Variants in HDAC10 observed in about 807,000 individuals in gnomAD.
HDAC10 encodes polyamine deacetylase HDAC10.
HDAC10 carries 90 observed loss-of-function variants against 82.3 expected under a neutral mutation model. That is an observed-to-expected ratio of 1.09 (90% confidence interval 0.92 to 1.30). HDAC10 has a LOEUF of 1.30. HDAC10 is among the 50% of genes most tolerant of loss of function. HDAC10 has a pLI of 0.00. For missense variants in HDAC10, 934 were observed against 876.3 expected (o/e 1.07, Z -0.83); for synonymous variants, 456 against 391.7 (o/e 1.16, Z -1.94).
chr22:50,246,677 A>G lies in HDAC10; in HGVS notation c.1571+2T>C. The G allele has an allele frequency of 6.2e-7, 1 of 1,611,206 alleles. No individual in the cohort carries two copies. ...GACATATGCAAGACCTGAGAGTCCT[A>G]CCCGTCATGGGCGAGGTCTGGAGGC... On this transcript the variant is annotated splice_donor_variant, in intron 16 of 19. Transcript: ENST00000216271. LOFTEE classifies it high-confidence loss of function.
At position 50,245,976 on chromosome 22, in the gene HDAC10, G is replaced by C; in HGVS notation, c.1767C>G (p.His589Gln). 6.2e-7 allele frequency: 1 copy of C among 1,609,256 alleles called. No individual in the cohort carries two copies. The highest frequency in any genetic ancestry group is 1.1e-5 in the South Asian group (1 of 90,486). ...LGPGHGLQGP[H>Q]AALLAAMLRG... ...GAAGCATTGCAGCCAGGAGTGCAGC[G>C]TGGGGGCCCTGCAGGCCATGGCCAG... The change falls in exon 18 of 20, where the codon CAC becomes CAG. Residue 589 changes from histidine to glutamine, a missense_variant. Coordinates refer to ENST00000216271, the MANE Select transcript of HDAC10 (RefSeq NM_032019.6).
chr22:50,249,531 C>A lies in HDAC10; in HGVS notation c.564-77G>T. The A allele has an allele frequency of 6.2e-6, 10 of 1,605,366 alleles. No homozygotes were observed. Among genetic ancestry groups the A allele is most frequent in the East Asian group, 2.2e-5 (1 of 44,664 alleles). On this transcript the variant is annotated intron_variant, in intron 6 of 19. Transcript: ENST00000216271. This position sits in a 1 kb window ranked among gnomAD's most constrained non-coding sequence, Gnocchi z 4.4. ...TCTACAGCTCCCTGTAGAACGCTGA[C>A]CCCTGAGCACATGTCTGTATCTCAC... is the stretch of plus-strand genomic sequence containing the variant.
At position 50,249,248 on chromosome 22, in the gene HDAC10, G is replaced by A. The variant is rs1601628171; in HGVS notation, c.690+80C>T. 2.8e-6 allele frequency: 4 copies of A among 1,407,880 alleles called. No homozygotes were observed. In the South Asian group the frequency reaches 5.3e-5, roughly 19 times the overall value. 87.2% of individuals were successfully genotyped at this position (1,407,880 alleles called of 1,614,324 possible). ...GGGAGGGGGTGGGTGGGGACCTGGG[G>A]CTTGAGGGTGAACTGTGGGGGAGGG... is the stretch of plus-strand genomic sequence containing the variant. On this transcript the variant is annotated intron_variant, in intron 7 of 19. Transcript: ENST00000216271. The surrounding 1 kb of genome is among the most constrained non-coding windows in gnomAD (Gnocchi z 4.4).
At chr22:50,247,048 GGT>G (rs1426628511) in intron 14 of HDAC10, 82 bp from the exon 15 acceptor site, 4 of 815,410 alleles carry the variant, frequency 4.9e-6, no homozygotes, top group Admixed American at 5.5e-5. Context: ...CCCTTCATTC[GGT>G]GTGTCTCTGC....
chr22:50,249,058 C>G lies in HDAC10; in HGVS notation c.756+45G>C. 1 of 1,519,822 alleles carries G rather than the reference C, an allele frequency of 6.6e-7. No homozygotes were observed. Among genetic ancestry groups the G allele is most frequent in the African/African-American group, 1.4e-5 (1 of 72,916 alleles). 94.1% of individuals were successfully genotyped at this position (1,519,822 alleles called of 1,614,324 possible). On this transcript the variant is annotated intron_variant, in intron 8 of 19. Transcript: ENST00000216271. The surrounding 1 kb of genome is among the most constrained non-coding windows in gnomAD (Gnocchi z 4.4). ...CACTGGCGCACTCCAGGCACAAGGT[C>G]CCCCTCCCACCCGGCTGCCCTGGGG...
At chr22:50,247,398 G>T in intron 14 of HDAC10, 1 of 355,220 alleles carries the variant, frequency 2.8e-6, no homozygotes. Flanking sequence ...CCCCCAAACT[G>T]CCGTTATTAC....
intron 17 of HDAC10, 47 bp from the exon 18 acceptor site, chr22:50,246,139 G>A (rs1226704954): frequency 6.4e-7 from 1 of 1,564,898 alleles, no homozygotes; most frequent in African/African-American, 1.4e-5. Context: ...ACACCTGCTG[G>A]CTCTGGCCTC....
chr22:50,245,885 A>G (rs1306705240), intron 18 of HDAC10, 25 bp downstream of exon 18: 13 of 1,555,944 alleles, frequency 8.4e-6, no homozygotes, highest in Non-Finnish European at 1.0e-5. Flanking sequence ...CCCACCCCGC[A>G]GCACCTCCAC....
Position 50,250,477 on chromosome 22 carries a change from C to T in HDAC10, c.241G>A (p.Glu81Lys), listed in dbSNP as rs748690794. ...TGTCCGGACAGCGCCTGCAGCTCCT[C>T]CTTGCCTAGGACCTGGGTCTCCCTG... ...LVRETQVLGKEELQALSGQFD... is the reference protein window; with the variant it reads ...LVRETQVLGKKELQALSGQFD... The change falls in exon 3 of 20, where the codon GAG (glutamate) becomes AAG (lysine). Residue 81 changes from glutamate to lysine, a missense_variant. Coordinates refer to ENST00000216271, the MANE Select transcript of HDAC10 (RefSeq NM_032019.6). The T allele has an allele frequency of 5.6e-6, 9 of 1,612,966 alleles. No homozygotes were observed. Among genetic ancestry groups the T allele is most frequent in the Non-Finnish European group, 6.8e-6 (8 of 1,179,992 alleles).
At position 50,245,224 on chromosome 22, in the gene HDAC10, G is replaced by A. The variant is rs2064910766; in HGVS notation, c.*283C>T. 2 of 570,344 alleles carry A rather than the reference G, an allele frequency of 3.5e-6. No homozygotes were observed. The highest frequency in any genetic ancestry group is 6.2e-6 in the Non-Finnish European group (2 of 322,446). 35.3% of individuals were successfully genotyped at this position (570,344 alleles called of 1,614,324 possible). A position where few individuals can be genotyped will look rare whatever the true frequency, so the allele number is the denominator to read the frequency against. The stretch of plus-strand genomic sequence containing the variant: ...TTTACTAACGGCGCAAGGGCGGGGA[G>A]CGAAGCGCAGCGGGGCGCAGGGGCC... On this transcript the variant is annotated 3_prime_UTR_variant, in exon 20 of 20. Transcript: ENST00000216271.
Position 50,249,294 on chromosome 22 carries a change from G to T in HDAC10, c.690+34C>A. On this transcript the variant is annotated intron_variant, in intron 7 of 19. Transcript: ENST00000216271. The surrounding 1 kb of genome is among the most constrained non-coding windows in gnomAD (Gnocchi z 4.4). ...GAGGGGAGGGGCCCAGGGGGAGGGG[G>T]CTGGGTGGGGACCTGGGGCTTGAGG... The T allele has an allele frequency of 6.6e-7, 1 of 1,517,446 alleles. No individual in the cohort carries two copies. Among genetic ancestry groups the T allele is most frequent in the Non-Finnish European group, 8.9e-7 (1 of 1,127,180 alleles). The allele number at this position is 1,517,446 out of a possible 1,614,324, so 94.0% of individuals were successfully genotyped here. A position where few individuals can be genotyped will look rare whatever the true frequency, so the allele number is the denominator to read the frequency against.
At position 50,249,230 on chromosome 22, in the gene HDAC10, G is replaced by C. The variant is rs2065027573; in HGVS notation, c.691-62C>G. Reference sequence around the variant, plus strand: ...GGCAGGGGAGGGGCCCGGGGGAGGGGGTGGGTGGGGACCTGGGGCTTGAGG... The same window carrying C: ...GGCAGGGGAGGGGCCCGGGGGAGGGCGTGGGTGGGGACCTGGGGCTTGAGG... On this transcript the variant is annotated intron_variant, in intron 7 of 19. Coordinates refer to ENST00000216271, the MANE Select transcript of HDAC10 (RefSeq NM_032019.6). The surrounding 1 kb of genome is among the most constrained non-coding windows in gnomAD (Gnocchi z 4.4). 7.5e-7 allele frequency: 1 copy of C among 1,326,290 alleles called. No individual in the cohort carries two copies. The highest frequency in any genetic ancestry group is 1.1e-6 in the Non-Finnish European group (1 of 952,132). The allele number at this position is 1,326,290 out of a possible 1,614,324, so 82.2% of individuals were successfully genotyped here. A position where few individuals can be genotyped will look rare whatever the true frequency, so the allele number is the denominator to read the frequency against.
At chr22:50,246,125 A>G (rs569103681) in intron 17 of HDAC10, 33 bp from the exon 18 acceptor site, 2 of 1,576,906 alleles carry the variant, frequency 1.3e-6, no homozygotes, top group East Asian at 2.3e-5. Flanking sequence ...CTCCTCATCT[A>G]CGGACACCTG....
chr22:50,249,771 G>T lies in HDAC10; in HGVS notation c.495-68C>A. 1 of 1,606,710 alleles carries T rather than the reference G, an allele frequency of 6.2e-7. No individual in the cohort carries two copies. The highest frequency in any genetic ancestry group is 8.5e-7 in the Non-Finnish European group (1 of 1,175,776). On this transcript the variant is annotated intron_variant, in intron 5 of 19. Coordinates refer to ENST00000216271, the MANE Select transcript of HDAC10 (RefSeq NM_032019.6). The surrounding 1 kb of genome is among the most constrained non-coding windows in gnomAD (Gnocchi z 4.4). ...ACCTCCAGGAGCCCGGCCAGGGATGGGAAGGTGCTGGCTGGGTTCTCTCGC... is the reference window on the plus strand; with the variant it reads ...ACCTCCAGGAGCCCGGCCAGGGATGTGAAGGTGCTGGCTGGGTTCTCTCGC...
Position 50,245,939 on chromosome 22 carries a change from C to G in HDAC10, c.1804G>C (p.Gly602Arg). Reference protein sequence around the residue: ...LLAAMLRGLAGGRVLALLEEN... With the variant: ...LLAAMLRGLARGRVLALLEEN... ...TCCAGGAGGGCCAGGACTCGGCCCC[C>G]TGCCAGCCCCCGAAGCATTGCAGCC... The change falls in exon 18 of 20, where the codon GGG becomes CGG. Residue 602 changes from glycine to arginine, a missense_variant. Coordinates refer to ENST00000216271, the MANE Select transcript of HDAC10 (RefSeq NM_032019.6). 1 of 1,593,392 alleles carries G rather than the reference C, an allele frequency of 6.3e-7. No homozygotes were observed.
chr22:50,246,321 G>C lies in HDAC10; in HGVS notation c.1627C>G (p.His543Asp). ...ACCACTGGCAGTGGCGTGGAGACAT[G>C]GAACATGGATAGGGCAGCCGCCTCC... ...GKEAAALSMF[H>D]VSTPLPVMTG... The change falls in exon 17 of 20, where the codon CAT (histidine) becomes GAT (aspartate). Residue 543 changes from histidine to aspartate, a missense_variant. Physicochemically the swap from His to Asp is moderately conservative, Grantham distance 81 (BLOSUM62 -1). Transcript: ENST00000216271. 6.2e-7 allele frequency: 1 copy of C among 1,613,114 alleles called. No homozygotes were observed. The highest frequency in any genetic ancestry group is 8.5e-7 in the Non-Finnish European group (1 of 1,179,930).
chr22:50,250,803 C>G lies in HDAC10; in HGVS notation c.162G>C (p.Glu54Asp), dbSNP rs746257931. 5.0e-6 allele frequency: 8 copies of G among 1,603,638 alleles called. No individual in the cohort carries two copies. The highest frequency in any genetic ancestry group is 6.8e-6 in the Non-Finnish European group (8 of 1,176,468). The change falls in exon 2 of 20, where the codon GAG (glutamate) becomes GAC (aspartate). Residue 54 changes from glutamate to aspartate, a missense_variant. By Grantham distance (45) the Glu-to-Asp change is conservative (BLOSUM62 2). Coordinates refer to ENST00000216271, the MANE Select transcript of HDAC10 (RefSeq NM_032019.6). ...EQRCLRLSAR[E>D]ASEEELGLVH... Reference sequence around the variant, plus strand: ...CCAGGCCCAGCTCCTCTTCCGAGGCCTCGCGGGCTGACAACCGCAGACACC... The same window carrying G: ...CCAGGCCCAGCTCCTCTTCCGAGGCGTCGCGGGCTGACAACCGCAGACACC...
At chr22:50,250,005 C>A in intron 4 of HDAC10, 41 bp from the exon 5 acceptor site, 1 of 1,608,952 alleles carries the variant, frequency 6.2e-7, no homozygotes. Context: ...TCAGGGTCGC[C>A]CTGGCCCCTC....
intron 14 of HDAC10, 188 bp from the exon 15 acceptor site, chr22:50,247,154 TAG>T (rs1569134200): frequency 8.4e-6 from 4 of 474,686 alleles, no homozygotes; most frequent in African/African-American, 8.1e-5. Context: ...TTTTTTTTTT[TAG>T]AGAGGCAGGG....
Sources: gnomAD v4.1 joint callset for allele counts on GRCh38, gnomAD v4.1.1 for gene constraint, Gnocchi (gnomAD v3.1) non-coding constraint, MANE v1.5 for transcripts, NCBI Gene and HGNC (gene_info 2026-07-23, HGNC 2026-07-21) for gene names.